The following GPHN variants were observed in gnomAD, a reference collection of about 807,000 sequenced individuals.
GPHN encodes the protein gephyrin.
In GPHN, 17 loss-of-function variants were observed where a neutral mutation model predicts 95.5. That is an observed-to-expected ratio of 0.18 (90% CI 0.12 to 0.27). The LOEUF (loss-of-function observed/expected upper bound fraction) is 0.27. Ranked by LOEUF, GPHN falls within the 10% of genes least tolerant of loss-of-function variation. GPHN has a pLI of 1.00. For synonymous variants in GPHN, 320 were observed against 322.5 expected, an observed-to-expected ratio of 0.99 and a Z score of 0.08; for missense variants, 660 against 978.1, an observed-to-expected ratio of 0.67 and a Z score of 4.34.
chr14:67,203,321 A>C, the GPHN span: 32 of 1,528,592 alleles, frequency 2.1e-5, 2 homozygotes, highest in South Asian at 3.8e-4. Flanking sequence ...GAGGTTAAAG[A>C]TCTCTCAGAA....
intron 4 of GPHN, among the ~76,000 whole-genome samples, chr14:66,864,526 A>C (rs988848783): frequency 1.4e-4 from 22 of 152,154 alleles, no homozygotes; most frequent in African/African-American, 4.8e-4. Flanking sequence ...TAATCCCAGC[A>C]CTTTGGGAGG....
At chr14:67,392,949 A>C in the GPHN span, 2 of 1,054,996 alleles carry the variant, frequency 1.9e-6, no homozygotes, top group Non-Finnish European at 2.8e-6. Flanking sequence ...GGGCAGCCTC[A>C]GGGCTCTACG....
At chr14:67,171,260 G>A (rs1382253090) in intron 21 of GPHN, among the ~76,000 whole-genome samples, 1 of 151,720 alleles carries the variant, frequency 6.6e-6, no homozygotes, top group East Asian at 1.9e-4. Context: ...GCATTCAGAA[G>A]AGCATCATTT....
the GPHN span, among the ~76,000 whole-genome samples, chr14:67,425,422 AGTC>A: frequency 1.3e-5 from 2 of 151,894 alleles, no homozygotes; most frequent in Non-Finnish European, 2.9e-5. Context: ...ACACGCCTAT[AGTC>A]CCAGCTACTC....
intron 11 of GPHN, among the ~76,000 whole-genome samples, chr14:67,064,333 G>T (rs1032415475): frequency 6.6e-6 from 1 of 152,160 alleles, no homozygotes; most frequent in Non-Finnish European, 1.5e-5. Context: ...GATTCGGTTT[G>T]CCAGTATTTT....
intron 9 of GPHN, among the ~76,000 whole-genome samples, chr14:66,968,149 A>T (rs921594624): frequency 6.6e-6 from 1 of 151,990 alleles, no homozygotes; most frequent in Non-Finnish European, 1.5e-5. Flanking sequence ...ATTTATTTTA[A>T]TTTTTTAGCA....
At chr14:66,645,171 TA>T (rs756554037) in intron 1 of GPHN, among the ~76,000 whole-genome samples, 7 of 152,062 alleles carry the variant, frequency 4.6e-5, no homozygotes, top group Non-Finnish European at 2.9e-5. Flanking sequence ...AGGAACTTCA[TA>T]AAAATATTCT....
chr14:67,469,280 G>C, the GPHN span, among the ~76,000 whole-genome samples: 1 of 152,056 alleles, frequency 6.6e-6, no homozygotes, highest in Non-Finnish European at 1.5e-5. Context: ...TTTGCGTTTA[G>C]CTGAAATTAC....
At chr14:67,008,589 G>T (rs900690013) in intron 9 of GPHN, among the ~76,000 whole-genome samples, 4 of 151,662 alleles carry the variant, frequency 2.6e-5, no homozygotes, top group Non-Finnish European at 4.4e-5. Flanking sequence ...CTGTCACCCA[G>T]CCTGGAGTGC....
chr14:67,429,209 G>A, the GPHN span, among the ~76,000 whole-genome samples: 1 of 151,896 alleles, frequency 6.6e-6, no homozygotes, highest in Non-Finnish European at 1.5e-5. Flanking sequence ...CAGCACTTTG[G>A]GAGGCTGAGG....
chr14:66,862,840 C>T (rs528253365), intron 4 of GPHN, among the ~76,000 whole-genome samples: 1 of 152,132 alleles, frequency 6.6e-6, no homozygotes, highest in Admixed American at 6.5e-5. Context: ...ATAATAAGAG[C>T]TATATGCAGC....
the GPHN span, chr14:67,650,855 T>C: frequency 1.2e-6 from 2 of 1,614,210 alleles, no homozygotes; most frequent in Non-Finnish European, 1.7e-6. Context: ...GCATATTGTC[T>C]ATGACCAACT....
chr14:67,272,732 C>T, the GPHN span, among the ~76,000 whole-genome samples: 2 of 152,200 alleles, frequency 1.3e-5, no homozygotes, highest in Non-Finnish European at 1.5e-5. Flanking sequence ...GATCTTGGCT[C>T]ACTACAACCT....
chr14:66,651,132 G>A (rs1202664277), intron 1 of GPHN, among the ~76,000 whole-genome samples: 1 of 152,094 alleles, frequency 6.6e-6, no homozygotes, highest in African/African-American at 2.4e-5. Flanking sequence ...TACAAGAGCC[G>A]CTTCAGAGAT....
rs749278127 is a variant in GPHN, at chr14:67,058,754, C to T, written c.1112C>T (p.Pro371Leu). ...TTTATCACAGTCCTGGAGATGACTC[C>T]GGTGCTTGGGACAGAAATCATCAAT... ...KAFITVLEMT[P>L]VLGTEIINYR... is the part of the protein sequence containing the mutation. The change falls in exon 11 of 23, where the codon CCG becomes CTG. Residue 371 changes from proline (P) to leucine (L), a missense_variant. By Grantham distance (98) the Pro-to-Leu change is moderately conservative (BLOSUM62 -3). Around this residue, in one of 6 missense-constraint regions of GPHN, gnomAD observed 257 missense variants for 376.2 expected, o/e 0.68. Transcript: ENST00000478722. 5 of 1,613,424 alleles carry T rather than the reference C, an allele frequency of 3.1e-6. No individual in the cohort carries two copies. Among genetic ancestry groups the T allele is most frequent in the Admixed American group, 1.7e-5 (1 of 59,988 alleles).
At chr14:66,778,913 A>T (rs1330940850) in intron 3 of GPHN, among the ~76,000 whole-genome samples, 12 of 149,950 alleles carry the variant, frequency 8.0e-5, no homozygotes, top group African/African-American at 2.7e-4. Context: ...TTTTTTTTTT[A>T]ATTTTATTTT....
At chr14:66,553,502 A>G (rs1362475897) in intron 1 of GPHN, among the ~76,000 whole-genome samples, 1 of 151,858 alleles carries the variant, frequency 6.6e-6, no homozygotes, top group Non-Finnish European at 1.5e-5. Context: ...ATTTTGATTG[A>G]TTGGTCTTCA....
chr14:66,681,900 T>A (rs2066957405), intron 2 of GPHN, among the ~76,000 whole-genome samples: 1 of 152,280 alleles, frequency 6.6e-6, no homozygotes, highest in South Asian at 2.1e-4. Context: ...TAAAGAAAAT[T>A]GAATACTGCC....
At chr14:67,043,866 G>C (rs558949948) in intron 10 of GPHN, among the ~76,000 whole-genome samples, 6 of 151,994 alleles carry the variant, frequency 3.9e-5, no homozygotes, top group African/African-American at 1.4e-4. Flanking sequence ...GACTTTTTTT[G>C]GTTGGTAGGC....
Sources: allele counts gnomAD v4.1 joint callset (sites outside exome capture counted in the v4.1 genomes callset), GRCh38; gene constraint gnomAD v4.1.1; regional missense constraint gnomAD v4.1.1; transcripts MANE v1.5; gene names NCBI Gene and HGNC (gene_info 2026-07-23, HGNC 2026-07-21).